GDI2: variants seen among roughly 807,000 people sequenced by gnomAD.
GDI2 encodes the protein rab GDP dissociation inhibitor beta.
Under a neutral mutation model 54.2 loss-of-function variants are expected in GDI2, and 22 were observed. The ratio of observed to expected loss-of-function variants is 0.41; its 90% CI spans 0.29 to 0.58. The LOEUF (loss-of-function observed/expected upper bound fraction) is 0.58, where lower values mean the gene tolerates loss of function less well. Ranked by LOEUF, GDI2 falls within the 20% of genes least tolerant of loss-of-function variation. The pLI, the probability that GDI2 is intolerant of heterozygous loss-of-function variation, is 0.35. For synonymous variants in GDI2, 177 were observed against 182.1 expected, an observed-to-expected ratio of 0.97 and a Z score of 0.23; for missense variants, 422 against 546.0, an observed-to-expected ratio of 0.77 and a Z score of 2.26.
chr10:5,783,575 C>G (rs971114542), intron 6 of GDI2, among the ~76,000 whole-genome samples: 7 of 152,142 alleles, frequency 4.6e-5, no homozygotes, highest in African/African-American at 1.4e-4. Flanking sequence ...TAAGGAGATA[C>G]AATTTTGGTA....
At position 5,766,087 on chromosome 10, in the gene GDI2, GT is replaced by G; in HGVS notation, c.1256del (p.Asn419ThrfsTer6). 3 of 1,608,320 alleles carry G rather than the reference GT, an allele frequency of 1.9e-6. No homozygotes were observed. The highest frequency in any genetic ancestry group is 2.5e-6 in the Non-Finnish European group (3 of 1,177,692). On this transcript the variant is annotated frameshift_variant, in exon 11 of 11. Transcript: ENST00000380191. LOFTEE classifies it high-confidence loss of function. This position sits in a 1 kb window ranked among gnomAD's most constrained non-coding sequence, Gnocchi z 5.8. ...HFETTCDDIKNIYKRMTGSEF... is the reference protein window; with the variant it reads ...HFETTCDDIKXIYKRMTGSEF... Reference sequence around the variant, plus strand: ...CTGATCCTGTCATCCTCTTATAGATGTTTTTAATGTCATCACACGTTGTCTC... The same window carrying G: ...CTGATCCTGTCATCCTCTTATAGATGTTTTAATGTCATCACACGTTGTCTC...
rs561359641 is a variant in GDI2, at chr10:5,811,172, A to G, written c.45+2042T>C. Among the ~76,000 whole-genome samples the G allele has an allele frequency of 1.3e-4, 20 of 152,332 alleles. No individual in the cohort carries two copies. The East Asian group carries it at 3.9e-3, about 29-fold the overall frequency. On this transcript the variant is annotated intron_variant, in intron 1 of 10. Transcript: ENST00000380191. ...TTCTCATTATCAAAATCATCCTGTC[A>G]TCACTACTCCTATCAATGATGGTAA...
rs2131688207 is a variant in GDI2, at chr10:5,776,856, T to A, written c.720-2915A>T. On this transcript the variant is annotated intron_variant, in intron 6 of 10. Transcript: ENST00000380191. This position sits in a 1 kb window ranked among gnomAD's most constrained non-coding sequence, Gnocchi z 5.3. Reference sequence around the variant, plus strand: ...AGGATATTCTGAAAGGATTTATGAATAATTAAAATGGAAGGCCAGAGAAGA... The same window carrying A: ...AGGATATTCTGAAAGGATTTATGAAAAATTAAAATGGAAGGCCAGAGAAGA... 1.6e-6 allele frequency: 2 copies of A among 1,220,422 alleles called. No homozygotes were observed. The highest frequency in any genetic ancestry group is 2.4e-5 in the East Asian group (1 of 41,796). 75.6% of individuals were successfully genotyped at this position (1,220,422 alleles called of 1,614,324 possible). A position where few individuals can be genotyped will look rare whatever the true frequency, so the allele number is the denominator to read the frequency against.
At chr10:5,791,617 C>G (rs1285563390) in intron 4 of GDI2, among the ~76,000 whole-genome samples, 1 of 151,998 alleles carries the variant, frequency 6.6e-6, no homozygotes, top group African/African-American at 2.4e-5. Context: ...CGTGGTGGTG[C>G]ATGCCTGTAA....
intron 4 of GDI2, among the ~76,000 whole-genome samples, chr10:5,791,767 T>C (rs1197138323): frequency 9.2e-6 from 1 of 108,532 alleles, no homozygotes; most frequent in Non-Finnish European, 2.0e-5. Context: ...AAAAAAAAAA[T>C]AAGCCAGGTG....
chr10:5,772,744 A>C (rs1840519780), intron 7 of GDI2, among the ~76,000 whole-genome samples: 1 of 152,204 alleles, frequency 6.6e-6, no homozygotes, highest in African/African-American at 2.4e-5. Flanking sequence ...GCGACAGAGC[A>C]AAACGATTTG....
chr10:5,786,163 C>CA, intron 4 of GDI2, 113 bp from the exon 5 acceptor site: 1 of 444,838 alleles, frequency 2.2e-6, no homozygotes, highest in Non-Finnish European at 3.9e-6. Context: ...ATGCAGGATG[C>CA]AATTTTTTTT....
At position 5,781,375 on chromosome 10, in the gene GDI2, C is replaced by T. The variant is rs369541612; in HGVS notation, c.719+3767G>A. On this transcript the variant is annotated intron_variant, in intron 6 of 10. Coordinates refer to ENST00000380191, the MANE Select transcript of GDI2 (RefSeq NM_001494.4). The stretch of plus-strand genomic sequence containing the variant: ...AGGCGCAGTGGCTCACGCTTGTAAT[C>T]CCAGCACTTTGGGAGGCCAAGGCAG... 3.0e-3 allele frequency among the ~76,000 whole-genome samples: 454 copies of T among 151,944 alleles called. 3 individuals carry two copies. Among genetic ancestry groups the T allele is most frequent in the South Asian group, 0.011 (53 of 4,810 alleles).
chr10:5,787,444 T>C (rs1401683840), intron 4 of GDI2, among the ~76,000 whole-genome samples: 2 of 152,078 alleles, frequency 1.3e-5, no homozygotes, highest in Admixed American at 6.5e-5. Flanking sequence ...GAGTCAGAGA[T>C]TGCACTGAGC....
At chr10:5,809,117 C>T (rs1234312418) in intron 1 of GDI2, among the ~76,000 whole-genome samples, 3 of 151,880 alleles carry the variant, frequency 2.0e-5, no homozygotes, top group Non-Finnish European at 4.4e-5. Context: ...TGGTGGCAGG[C>T]ACCTGTAATC....
chr10:5,804,703 T>C (rs914115719), intron 1 of GDI2, among the ~76,000 whole-genome samples: 13 of 152,242 alleles, frequency 8.5e-5, no homozygotes, highest in Admixed American at 2.6e-4. Context: ...TGTGAAGTTT[T>C]ATTGGTAAAT....
At position 5,766,459 on chromosome 10, in the gene GDI2, T is replaced by C. The variant is rs1178714973; in HGVS notation, c.1136+35A>G. On this transcript the variant is annotated intron_variant, in intron 9 of 10. Coordinates refer to ENST00000380191, the MANE Select transcript of GDI2 (RefSeq NM_001494.4). The surrounding 1 kb of genome is among the most constrained non-coding windows in gnomAD (Gnocchi z 5.8). Reference sequence around the variant, plus strand: ...TGGAGCCACAATCAAAGGCCTCAGTTTGCATCTCGGCAGATATAAAAGAAC... The same window carrying C: ...TGGAGCCACAATCAAAGGCCTCAGTCTGCATCTCGGCAGATATAAAAGAAC... The C allele has an allele frequency of 1.2e-6, 2 of 1,610,766 alleles. No homozygotes were observed. The highest frequency in any genetic ancestry group is 1.7e-6 in the Non-Finnish European group (2 of 1,178,098).
Position 5,766,356 on chromosome 10 carries a change from G to A in GDI2, c.1137-61C>T, listed in dbSNP as rs1052711683. On this transcript the variant is annotated intron_variant, in intron 9 of 10. Transcript: ENST00000380191. The surrounding 1 kb of genome is among the most constrained non-coding windows in gnomAD (Gnocchi z 5.8). ...CCCACACCTGACCATGGCTCTGCCTGAGGTCAACTGAGAGGTACAGATGAA... is the reference window on the plus strand; with the variant it reads ...CCCACACCTGACCATGGCTCTGCCTAAGGTCAACTGAGAGGTACAGATGAA... The A allele has an allele frequency of 6.1e-6, 9 of 1,486,254 alleles. No homozygotes were observed. The highest frequency in any genetic ancestry group is 1.7e-4 in the Middle Eastern group (1 of 5,876). The allele number at this position is 1,486,254 out of a possible 1,614,324, so 92.1% of individuals were successfully genotyped here. A position where few individuals can be genotyped will look rare whatever the true frequency, so the allele number is the denominator to read the frequency against.
At position 5,768,378 on chromosome 10, in the gene GDI2, G is replaced by A. The variant is rs146005160; in HGVS notation, c.826C>T (p.Arg276Cys). The change falls in exon 8 of 11, where the codon CGC becomes TGC. Residue 276 changes from arginine (R) to cysteine (C), a missense_variant. Coordinates refer to ENST00000380191, the MANE Select transcript of GDI2 (RefSeq NM_001494.4). This position sits in a 1 kb window ranked among gnomAD's most constrained non-coding sequence, Gnocchi z 4.4. ...IGVKSEGEIA[R>C]CKQLICDPSY... The stretch of plus-strand genomic sequence containing the variant: ...GGGTCACAGATGAGCTGCTTACAGC[G>A]AGCAATCTATAACAAAGCATTTAAG... 3.3e-4 allele frequency: 526 copies of A among 1,608,206 alleles called. No individual in the cohort carries two copies. Among genetic ancestry groups the A allele is most frequent in the African/African-American group, 1.5e-3 (113 of 74,930 alleles).
intron 1 of GDI2, among the ~76,000 whole-genome samples, chr10:5,801,343 T>C (rs1564398432): frequency 1.3e-5 from 2 of 152,176 alleles, no homozygotes; most frequent in Non-Finnish European, 2.9e-5. Flanking sequence ...ACTATACTAG[T>C]CATCATTACA....
intron 4 of GDI2, among the ~76,000 whole-genome samples, chr10:5,792,959 C>CAAAAA (rs34475268): frequency 7.6e-5 from 7 of 92,000 alleles, no homozygotes; most frequent in African/African-American, 2.3e-4. Flanking sequence ...GACCTTTGTC[C>CAAAAA]AAAAAAAAAA....
chr10:5,786,165 A>ATTTTTTTTTTTTTT, intron 4 of GDI2, 115 bp from the exon 5 acceptor site: 1 of 332,572 alleles, frequency 3.0e-6, no homozygotes, highest in Non-Finnish European at 5.2e-6. Context: ...GCAGGATGCA[A>ATTTTTTTTTTTTTT]TTTTTTTTTT....
Position 5,766,430 on chromosome 10 carries a change from A to G in GDI2, c.1136+64T>C. The G allele has an allele frequency of 6.3e-7, 1 of 1,583,178 alleles. No individual in the cohort carries two copies. The highest frequency in any genetic ancestry group is 1.1e-5 in the South Asian group (1 of 90,386). ...CCTGCCTTGCCCTCACATTCGTCCC[A>G]CCATGGAGCCACAATCAAAGGCCTC... On this transcript the variant is annotated intron_variant, in intron 9 of 10. Transcript: ENST00000380191. This position sits in a 1 kb window ranked among gnomAD's most constrained non-coding sequence, Gnocchi z 5.8.
rs563446275 is a variant in GDI2, at chr10:5,804,255, G to A, written c.46-3550C>T. On this transcript the variant is annotated intron_variant, in intron 1 of 10. Transcript: ENST00000380191. ...ATTACAGGCATGCACCATCACGCCT[G>A]GCTAATTTTTGTATTTTTAGTAGAG... Among the ~76,000 whole-genome samples the A allele has an allele frequency of 7.9e-5, 12 of 152,064 alleles. No homozygotes were observed. In the East Asian group the frequency reaches 2.3e-3, roughly 29 times the overall value.
Sources: gnomAD v4.1 joint callset for allele counts (sites outside exome capture counted in the v4.1 genomes callset) on GRCh38, gnomAD v4.1.1 for gene constraint, Gnocchi (gnomAD v3.1) non-coding constraint, MANE v1.5 for transcripts, NCBI Gene and HGNC (gene_info 2026-07-23, HGNC 2026-07-21) for gene names.